The following FAM47E variants were observed in gnomAD, a reference collection of about 807,000 sequenced individuals.
FAM47E encodes family with sequence similarity 47 member E.
A neutral mutation model predicts 41.6 loss-of-function variants in FAM47E; 32 were observed. The ratio of observed to expected loss-of-function variants is 0.77; its 90% CI spans 0.58 to 1.03. The LOEUF (loss-of-function observed/expected upper bound fraction) is 1.03. Among genes scored for constraint, FAM47E ranks in the 50% least tolerant of loss-of-function variants. FAM47E has a pLI of 0.00. For synonymous variants in FAM47E, 184 were observed against 188.7 expected (o/e 0.98, Z 0.20); for missense variants, 424 against 485.4 (o/e 0.87, Z 1.19).
At position 76,239,631 on chromosome 4, in the gene FAM47E, C is replaced by T. The variant is rs72858559; in HGVS notation, c.81+21943C>T. 9.5e-3 allele frequency among the ~76,000 whole-genome samples: 1,449 copies of T among 152,122 alleles called. 25 individuals carry two copies. The highest frequency in any genetic ancestry group is 0.033 in the African/African-American group (1,374 of 41,508). ...TTTTCTCTATATTCTGGATATTAAT[C>T]CCTTATTAGAGATGATTTTCAAATA... On this transcript the variant is annotated intron_variant, in intron 2 of 7. Transcript: ENST00000510197.
chr4:76,275,210 G>C (rs938248043), intron 5 of FAM47E, among the ~76,000 whole-genome samples: 6 of 152,146 alleles, frequency 3.9e-5, no homozygotes, highest in Non-Finnish European at 5.9e-5. Context: ...GGTCTTTGGT[G>C]TATGAGCTTT....
intron 2 of FAM47E, among the ~76,000 whole-genome samples, chr4:76,228,215 C>T (rs1382149833): frequency 6.6e-6 from 1 of 152,078 alleles, no homozygotes; most frequent in Non-Finnish European, 1.5e-5. Flanking sequence ...CAGTGGCTCA[C>T]ACCTGTAATC....
upstream of FAM47E, chr4:76,251,601 G>GT: frequency 7.4e-7 from 1 of 1,342,722 alleles, no homozygotes. Context: ...CGGAGAAGGG[G>GT]TTGGACCGCG....
rs754664158 is a variant in FAM47E, at chr4:76,240,339, C to T, written c.81+22651C>T. 8.0e-4 allele frequency among the ~76,000 whole-genome samples: 121 copies of T among 152,144 alleles called. 2 individuals are homozygous for T. The highest frequency in any genetic ancestry group is 2.5e-4 in the Non-Finnish European group (17 of 68,024). On this transcript the variant is annotated intron_variant, in intron 2 of 7. Transcript: ENST00000510197. The stretch of plus-strand genomic sequence containing the variant: ...GGCTTTCAAAATTTTCTGTCTCCAG[C>T]TTTTAATAGTTTGATGGTAATACTT...
chr4:76,234,289 G>C (rs1315550831), intron 2 of FAM47E: 1 of 152,550 alleles, frequency 6.6e-6, no homozygotes, highest in African/African-American at 2.4e-5. Flanking sequence ...GAGGTTTTGA[G>C]TCATTTCACT....
upstream of FAM47E, among the ~76,000 whole-genome samples, chr4:76,249,346 T>A (rs1578768299): frequency 6.6e-6 from 1 of 152,190 alleles, no homozygotes; most frequent in East Asian, 1.9e-4. Flanking sequence ...TATTTGTTTG[T>A]TTATTTAAGA....
chr4:76,234,568 C>G (rs1733551870), intron 2 of FAM47E: 1 of 152,184 alleles, frequency 6.6e-6, no homozygotes, highest in Admixed American at 6.5e-5. Context: ...CTCCTCCCCG[C>G]TGCAAACAGC....
chr4:76,263,724 A>G lies in FAM47E; in HGVS notation c.441A>G (p.Glu147=), dbSNP rs1734512718. 1.9e-6 allele frequency: 3 copies of G among 1,551,548 alleles called. No homozygotes were observed. In the East Asian group the frequency reaches 7.3e-5, roughly 38 times the overall value. Residue 147 remains glutamate, a synonymous_variant, in exon 3 of 8, where the codon GAA becomes GAG. Transcript: ENST00000424749. ...TGTAGCTCTTATCAAAGGTGCTGGA[A>G]GTGCTTGATCCTGACCGGAAGCTGG... The part of the protein sequence containing the change: ...MPIELLSKVL[E]VLDPDRKLED...
intron 5 of FAM47E, among the ~76,000 whole-genome samples, chr4:76,275,357 A>G (rs893833711): frequency 6.6e-6 from 1 of 152,148 alleles, no homozygotes. Context: ...CGCTTGGTTG[A>G]CATTAATTTG....
intron 2 of FAM47E, among the ~76,000 whole-genome samples, chr4:76,246,456 A>G (rs1733828275): frequency 6.6e-6 from 1 of 152,128 alleles, no homozygotes; most frequent in Non-Finnish European, 1.5e-5. Context: ...TAGGGCTCCC[A>G]GGAAGCTTGT....
intron 2 of FAM47E, among the ~76,000 whole-genome samples, chr4:76,246,633 A>G (rs1053963664): frequency 1.3e-5 from 2 of 152,106 alleles, no homozygotes; most frequent in African/African-American, 4.8e-5. Context: ...TCCACCAACT[A>G]GATCAAGATG....
chr4:76,232,596 C>T (rs116736579), intron 2 of FAM47E, among the ~76,000 whole-genome samples: 68 of 152,178 alleles, frequency 4.5e-4, no homozygotes, highest in African/African-American at 1.6e-3. Context: ...TTTAGAAAGT[C>T]CCATACAGTT....
At chr4:76,237,284 G>T in intron 2 of FAM47E, among the ~76,000 whole-genome samples, 1 of 151,640 alleles carries the variant, frequency 6.6e-6, no homozygotes, top group Middle Eastern at 3.5e-3. Flanking sequence ...TTCCCATCAT[G>T]CCTCAGGTTT....
At chr4:76,283,102 T>C (rs1186669917) in intron 7 of FAM47E, 2 of 264,170 alleles carry the variant, frequency 7.6e-6, no homozygotes, top group African/African-American at 4.3e-5. Context: ...CAAGCCTTAG[T>C]AGCAGGGATG....
chr4:76,240,989 G>T (rs772394581), intron 2 of FAM47E, among the ~76,000 whole-genome samples: 4 of 151,818 alleles, frequency 2.6e-5, no homozygotes, highest in Admixed American at 2.6e-4. Flanking sequence ...TTTTGTTTTT[G>T]TTGTTGTTGT....
At chr4:76,227,754 C>A (rs1475436757) in intron 2 of FAM47E, among the ~76,000 whole-genome samples, 1 of 152,190 alleles carries the variant, frequency 6.6e-6, no homozygotes. Flanking sequence ...TCCTGTTGGA[C>A]TGATCCTCTT....
At chr4:76,273,565 GT>G in intron 5 of FAM47E, among the ~76,000 whole-genome samples, 1 of 152,012 alleles carries the variant, frequency 6.6e-6, no homozygotes, top group South Asian at 2.1e-4. Context: ...TTTGTCACTG[GT>G]TTTGAGCATT....
chr4:76,246,070 T>C (rs1188609362), intron 2 of FAM47E, among the ~76,000 whole-genome samples: 1 of 152,136 alleles, frequency 6.6e-6, no homozygotes, highest in Non-Finnish European at 1.5e-5. Context: ...CTTAAAACAC[T>C]ATGCAGGAAA....
At chr4:76,282,194 A>G (rs1161823006) in intron 7 of FAM47E, 10 of 152,224 alleles carry the variant, frequency 6.6e-5, no homozygotes, top group South Asian at 2.1e-4. Context: ...ATATTAATCA[A>G]CAGTAACAGT....
Sources: allele counts gnomAD v4.1 joint callset (sites outside exome capture counted in the v4.1 genomes callset), GRCh38; gene constraint gnomAD v4.1.1; transcripts MANE v1.5; gene names NCBI Gene and HGNC (gene_info 2026-07-23, HGNC 2026-07-21).